The following SEMA3A variants were observed in gnomAD, a reference collection of about 807,000 sequenced individuals.
SEMA3A encodes the protein semaphorin-3A.
Under a neutral mutation model 97.9 loss-of-function variants are expected in SEMA3A, and 29 were observed. That is an observed-to-expected ratio of 0.30 (90% CI 0.22 to 0.40). SEMA3A has a LOEUF of 0.40. Ranked by LOEUF, SEMA3A falls within the 10% of genes least tolerant of loss-of-function variation. The pLI is 1.00. For missense variants in SEMA3A, 763 were observed against 951.3 expected, an observed-to-expected ratio of 0.80 and a Z score of 2.60; for synonymous variants, 321 against 323.7, an observed-to-expected ratio of 0.99 and a Z score of 0.09.
chr7:84,439,764 G>A (rs916527159), intron 1 of SEMA3A, among the ~76,000 whole-genome samples: 2 of 152,076 alleles, frequency 1.3e-5, no homozygotes, highest in African/African-American at 4.8e-5. Flanking sequence ...GTACATGTGA[G>A]AATTTATGAC....
intron 4 of SEMA3A, among the ~76,000 whole-genome samples, chr7:84,083,214 A>G (rs1011132233): frequency 1.7e-4 from 26 of 151,994 alleles, no homozygotes; most frequent in African/African-American, 6.3e-4. Context: ...TTGTACATAT[A>G]TATATACACA....
At chr7:84,361,095 T>C (rs983827205) in intron 2 of SEMA3A, among the ~76,000 whole-genome samples, 2 of 152,108 alleles carry the variant, frequency 1.3e-5, no homozygotes, top group African/African-American at 4.8e-5. Context: ...ATGCTTACTA[T>C]AAATTTTATT....
intron 1 of SEMA3A, among the ~76,000 whole-genome samples, chr7:84,164,324 T>C (rs1251348936): frequency 6.6e-6 from 1 of 152,200 alleles, no homozygotes; most frequent in Non-Finnish European, 1.5e-5. Context: ...CCAATACAAA[T>C]TTTGGAATAA....
rs112559055 is a variant in SEMA3A, at chr7:84,302,430, A to C, written c.-83+4777T>G. The stretch of plus-strand genomic sequence containing the variant: ...TAAATGTGTAGAGAGGACTCCGCCA[A>C]AACGTTTTTACATACCTCAAGGACT... On this transcript the variant is annotated intron_variant, in intron 3 of 3. Transcript: ENST00000424555. Among the ~76,000 whole-genome samples, 5 of 152,262 alleles carry C rather than the reference A, an allele frequency of 3.3e-5. 1 individual carries two copies. Among genetic ancestry groups the C allele is most frequent in the African/African-American group, 1.2e-4 (5 of 41,556 alleles).
intron 7 of SEMA3A, among the ~76,000 whole-genome samples, chr7:84,012,342 G>C (rs1341630550): frequency 6.6e-6 from 1 of 151,936 alleles, no homozygotes; most frequent in Non-Finnish European, 1.5e-5. Context: ...AATTCTTACT[G>C]TCTATTAAAA....
intron 1 of SEMA3A, among the ~76,000 whole-genome samples, chr7:84,438,039 A>G (rs777605737): frequency 3.1e-4 from 47 of 152,076 alleles, no homozygotes; most frequent in Non-Finnish European, 5.9e-4. Context: ...TCTATCCAGA[A>G]AAGAGCTAGA....
At chr7:84,052,125 G>A (rs1457400885) in intron 5 of SEMA3A, among the ~76,000 whole-genome samples, 1 of 151,978 alleles carries the variant, frequency 6.6e-6, no homozygotes, top group Non-Finnish European at 1.5e-5. Context: ...GTATTTTATT[G>A]AGGATTTTTG....
intron 3 of SEMA3A, among the ~76,000 whole-genome samples, chr7:84,267,637 A>G (rs2115688164): frequency 6.6e-6 from 1 of 151,942 alleles, no homozygotes; most frequent in Non-Finnish European, 1.5e-5. Context: ...TGTCACAATT[A>G]ACAAGATGAT....
At chr7:84,127,751 C>T (rs1213031992) in intron 3 of SEMA3A, among the ~76,000 whole-genome samples, 1 of 152,144 alleles carries the variant, frequency 6.6e-6, no homozygotes, top group Non-Finnish European at 1.5e-5. Flanking sequence ...TCCTTCTAAA[C>T]ATATACATCA....
intron 6 of SEMA3A, among the ~76,000 whole-genome samples, chr7:84,022,545 G>T (rs572140970): frequency 6.6e-6 from 1 of 152,128 alleles, no homozygotes; most frequent in Non-Finnish European, 1.5e-5. Flanking sequence ...CTTTCCACGT[G>T]AAAATGTTAT....
Position 83,977,202 on chromosome 7 carries a change from G to A in SEMA3A, c.1653-6C>T, listed in dbSNP as rs701320. 0.79 allele frequency: 1,223,502 copies of A among 1,552,192 alleles called. 485,009 individuals carry two copies. The highest frequency in any genetic ancestry group is 0.96 in the African/African-American group (70,422 of 73,238). On this transcript the variant is annotated splice_region_variant and splice_polypyrimidine_tract_variant and intron_variant, in intron 14 of 16. Transcript: ENST00000265362. ...TATCTTGTCGTCTTGTGCGTCTGAA[G>A]CAATTACATTTAAAAGGTGTTATTG...
intron 3 of SEMA3A, among the ~76,000 whole-genome samples, chr7:84,118,182 C>A (rs1428775955): frequency 6.6e-6 from 1 of 152,182 alleles, no homozygotes; most frequent in Non-Finnish European, 1.5e-5. Flanking sequence ...ATTTCTGCTA[C>A]CAAGGGCAAT....
chr7:84,205,014 C>T (rs10488272), intron 3 of SEMA3A, among the ~76,000 whole-genome samples: 1,944 of 152,244 alleles, frequency 0.013, 108 homozygotes, highest in Admixed American at 0.087. Context: ...AGACCCATTA[C>T]TAGTACTAAA....
chr7:84,101,786 C>G (rs755533978), intron 4 of SEMA3A, among the ~76,000 whole-genome samples: 1 of 152,030 alleles, frequency 6.6e-6, no homozygotes, highest in African/African-American at 2.4e-5. Context: ...ACTGAGCTGT[C>G]CTATACGGGA....
chr7:84,304,124 G>A (rs950268643), intron 3 of SEMA3A, among the ~76,000 whole-genome samples: 4 of 152,054 alleles, frequency 2.6e-5, no homozygotes, highest in African/African-American at 9.7e-5. Context: ...AAAAAATAGG[G>A]GTTCATAAAG....
upstream of SEMA3A, among the ~76,000 whole-genome samples, chr7:84,199,132 T>C (rs140079353): frequency 1.1e-4 from 16 of 152,326 alleles, no homozygotes; most frequent in African/African-American, 3.8e-4. Context: ...GTACTTTCCT[T>C]GGTTATACAT....
At chr7:84,239,920 T>C (rs1351195665) in intron 3 of SEMA3A, among the ~76,000 whole-genome samples, 2 of 152,246 alleles carry the variant, frequency 1.3e-5, no homozygotes, top group East Asian at 1.9e-4. Flanking sequence ...TGCAGTATGG[T>C]AGATTAATAT....
chr7:84,050,939 T>G (rs1168782525), intron 5 of SEMA3A, among the ~76,000 whole-genome samples: 1 of 151,652 alleles, frequency 6.6e-6, no homozygotes, highest in African/African-American at 2.4e-5. Context: ...GCTAGCCAGT[T>G]TTCCCAGCAC....
intron 12 of SEMA3A, among the ~76,000 whole-genome samples, chr7:83,995,126 C>G (rs1790156444): frequency 6.6e-6 from 1 of 152,304 alleles, no homozygotes; most frequent in African/African-American, 2.4e-5. Flanking sequence ...AAGGAACTCC[C>G]TGACCCCTTG....
Sources: gnomAD v4.1 joint callset for allele counts (sites outside exome capture counted in the v4.1 genomes callset) on GRCh38, gnomAD v4.1.1 for gene constraint, MANE v1.5 for transcripts, NCBI Gene and HGNC (gene_info 2026-07-23, HGNC 2026-07-21) for gene names.